Variants in MYO3B observed in about 807,000 individuals in gnomAD.
MYO3B encodes the protein myosin-IIIb.
A neutral mutation model predicts 174.6 loss-of-function variants in MYO3B; 156 were observed. That is an observed-to-expected ratio of 0.89 (90% CI 0.78 to 1.02). The LOEUF is 1.02. Ranked by LOEUF, MYO3B falls within the 50% of genes least tolerant of loss-of-function variation. The pLI is 0.00. For missense variants in MYO3B, 1,632 were observed against 1,639.4 expected, an observed-to-expected ratio of 1.00 and a Z score of 0.08; for synonymous variants, 563 against 569.1, an observed-to-expected ratio of 0.99 and a Z score of 0.15.
chr2:170,505,997 G>A lies in MYO3B; in HGVS notation c.3370+4132G>A, dbSNP rs558145022. 3.3e-5 allele frequency among the ~76,000 whole-genome samples: 5 copies of A among 152,368 alleles called. No homozygotes were observed. In the South Asian group the frequency reaches 1.0e-3, roughly 32 times the overall value. On this transcript the variant is annotated intron_variant, in intron 28 of 34. Transcript: ENST00000408978. ...CCTTGGCCCTGCCAAAAACACAGAT[G>A]TTATCACAAGATAACAATAGCTCTA...
At chr2:170,310,002 C>T (rs574088960) in intron 7 of MYO3B, among the ~76,000 whole-genome samples, 27 of 152,216 alleles carry the variant, frequency 1.8e-4, no homozygotes, top group Admixed American at 3.3e-4. Flanking sequence ...CTTATATAAG[C>T]GGAATTATAC....
chr2:170,338,540 TTATTA>T (rs1357574730), intron 8 of MYO3B, among the ~76,000 whole-genome samples: 1 of 152,148 alleles, frequency 6.6e-6, no homozygotes, highest in Non-Finnish European at 1.5e-5. Context: ...TGGGAACTGA[TTATTA>T]TATTATATAT....
chr2:170,618,225 A>G (rs1189972385), intron 32 of MYO3B, among the ~76,000 whole-genome samples: 3 of 152,204 alleles, frequency 2.0e-5, no homozygotes, highest in African/African-American at 7.2e-5. Flanking sequence ...TCATTAACAT[A>G]GACCTCGATA....
rs760992992 is a variant in MYO3B at position 170,404,305 on chromosome 2, C to G, written c.2336C>G (p.Pro779Arg). Reference sequence around the variant, plus strand: ...CCCGTGGAATATGAGGACAACCGCCCGCTCTTGGACATGTTCCTCCAGAAA... The same window carrying G: ...CCCGTGGAATATGAGGACAACCGCCGGCTCTTGGACATGTTCCTCCAGAAA... ...AVPVEYEDNR[P>R]LLDMFLQKPL... is the part of the protein sequence containing the mutation. Residue 779 changes from proline (P) to arginine (R), a missense_variant, in exon 20 of 35, where the codon CCG becomes CGG. Pro to Arg is a moderately radical substitution (Grantham distance 103). Coordinates refer to ENST00000408978, the MANE Select transcript of MYO3B (RefSeq NM_138995.5). 2.5e-6 allele frequency: 4 copies of G among 1,613,554 alleles called. No homozygotes were observed. The highest frequency in any genetic ancestry group is 2.5e-6 in the Non-Finnish European group (3 of 1,179,804).
chr2:170,323,123 G>A (rs552928788), intron 7 of MYO3B, among the ~76,000 whole-genome samples: 4 of 152,254 alleles, frequency 2.6e-5, no homozygotes, highest in Non-Finnish European at 4.4e-5. Context: ...TCATAATTAG[G>A]TGCATGGCTT....
intron 7 of MYO3B, among the ~76,000 whole-genome samples, chr2:170,274,400 G>A (rs929833212): frequency 6.6e-6 from 1 of 152,132 alleles, no homozygotes; most frequent in African/African-American, 2.4e-5. Flanking sequence ...TTTGAAGCAG[G>A]TTTCTTTTCA....
chr2:170,403,032 G>T, intron 19 of MYO3B, 37 bp downstream of exon 19: 1 of 1,535,420 alleles, frequency 6.5e-7, no homozygotes, highest in South Asian at 1.3e-5. Flanking sequence ...ACTTGATGGG[G>T]AAAAGGTGTC....
At chr2:170,414,424 T>C (rs2094565476) in intron 22 of MYO3B, among the ~76,000 whole-genome samples, 1 of 152,154 alleles carries the variant, frequency 6.6e-6, no homozygotes, top group African/African-American at 2.4e-5. Flanking sequence ...CCTGACCTCA[T>C]GATCCACCCA....
intron 7 of MYO3B, among the ~76,000 whole-genome samples, chr2:170,263,493 G>A (rs1242761270): frequency 3.3e-5 from 5 of 152,136 alleles, no homozygotes; most frequent in Admixed American, 1.3e-4. Flanking sequence ...CGGAGAGGGG[G>A]ATGTGGCAGG....
At chr2:170,403,077 T>G in intron 19 of MYO3B, 82 bp downstream of exon 19, 3 of 1,358,964 alleles carry the variant, frequency 2.2e-6, no homozygotes, top group Non-Finnish European at 3.0e-6. Flanking sequence ...AGAAACCCTG[T>G]AGACTAACAA....
intron 32 of MYO3B, among the ~76,000 whole-genome samples, chr2:170,616,372 C>A (rs1695463478): frequency 6.6e-6 from 1 of 152,146 alleles, no homozygotes. Flanking sequence ...TGATGTGAAA[C>A]CTCCCTGACT....
At chr2:170,649,429 A>G (rs919780249) in intron 32 of MYO3B, among the ~76,000 whole-genome samples, 1 of 85,440 alleles carries the variant, frequency 1.2e-5, no homozygotes, top group Non-Finnish European at 2.3e-5. Context: ...AAATATATAT[A>G]ATATATTACA....
chr2:170,567,274 A>G (rs1359732832), intron 32 of MYO3B, among the ~76,000 whole-genome samples: 2 of 152,218 alleles, frequency 1.3e-5, no homozygotes, highest in African/African-American at 4.8e-5. Context: ...TGATACCAAA[A>G]TCATGGCTAG....
intron 30 of MYO3B, among the ~76,000 whole-genome samples, chr2:170,530,359 A>G (rs1689281242): frequency 6.6e-6 from 1 of 152,240 alleles, no homozygotes; most frequent in African/African-American, 2.4e-5. Flanking sequence ...GCTCTGATCC[A>G]GACCCTCCCG....
chr2:170,439,374 AAAT>A (rs928554930), intron 22 of MYO3B, among the ~76,000 whole-genome samples: 2 of 148,626 alleles, frequency 1.3e-5, no homozygotes, highest in Non-Finnish European at 3.0e-5. Flanking sequence ...TCCATCTCAA[AAAT>A]AATAATAATA....
chr2:170,180,695 ACT>A (rs1189504376), intron 1 of MYO3B, among the ~76,000 whole-genome samples: 4 of 151,980 alleles, frequency 2.6e-5, no homozygotes, highest in East Asian at 1.9e-4. Context: ...TCTTTTCCAA[ACT>A]CTCTGATTTT....
chr2:170,601,958 C>A, intron 32 of MYO3B: 1 of 840,650 alleles, frequency 1.2e-6, no homozygotes, highest in Non-Finnish European at 2.0e-6. Context: ...GCATTGGAAT[C>A]CTCGAACTTC....
intron 7 of MYO3B, among the ~76,000 whole-genome samples, chr2:170,300,315 A>T (rs1005976394): frequency 1.3e-5 from 2 of 152,218 alleles, no homozygotes; most frequent in Non-Finnish European, 2.9e-5. Flanking sequence ...TATGTTCTGG[A>T]TAGTGCAAGT....
At chr2:170,429,672 T>G (rs1286782959) in intron 22 of MYO3B, among the ~76,000 whole-genome samples, 1 of 152,236 alleles carries the variant, frequency 6.6e-6, no homozygotes, top group Non-Finnish European at 1.5e-5. Flanking sequence ...CAGGTTTACA[T>G]TCTGTATCTG....
Sources: allele counts gnomAD v4.1 joint callset (sites outside exome capture counted in the v4.1 genomes callset), GRCh38; gene constraint gnomAD v4.1.1; transcripts MANE v1.5; gene names NCBI Gene and HGNC (gene_info 2026-07-23, HGNC 2026-07-21).